The following MYT1L variants were observed in gnomAD, a reference collection of about 807,000 sequenced individuals.
The protein encoded by MYT1L is myelin transcription factor 1-like protein.
MYT1L carries 12 observed loss-of-function variants against 126.7 expected under a neutral mutation model. The ratio of observed to expected loss-of-function variants is 0.09; its 90% CI spans 0.06 to 0.15. The LOEUF (loss-of-function observed/expected upper bound fraction) is 0.15, where lower values mean the gene tolerates loss of function less well. MYT1L is among the 10% of genes least tolerant of loss of function. The probability of loss-of-function intolerance (pLI) is 1.00; values close to 1 mark genes in which losing one functional copy is unlikely to be tolerated. For missense variants in MYT1L, 979 were observed against 1,585.2 expected, an observed-to-expected ratio of 0.62 and a Z score of 6.49; for synonymous variants, 541 against 604.2, an observed-to-expected ratio of 0.90 and a Z score of 1.53.
At chr2:1,872,560 C>T (rs1306268212) in intron 18 of MYT1L, among the ~76,000 whole-genome samples, 9 of 152,096 alleles carry the variant, frequency 5.9e-5, no homozygotes, top group South Asian at 2.1e-4. Flanking sequence ...AAGATATATT[C>T]GAAAAATGGA....
At chr2:2,184,865 C>A (rs190743749) in intron 2 of MYT1L, among the ~76,000 whole-genome samples, 370 of 152,344 alleles carry the variant, frequency 2.4e-3, no homozygotes, top group Non-Finnish European at 4.2e-3. Context: ...CAGAAAGGGA[C>A]CCGCCAAGAG....
At chr2:2,274,330 G>A (rs1023492201) in intron 2 of MYT1L, among the ~76,000 whole-genome samples, 6 of 141,758 alleles carry the variant, frequency 4.2e-5, no homozygotes, top group South Asian at 2.6e-4. Context: ...AGGAAGGAAG[G>A]AAGGGAGGGA....
intron 18 of MYT1L, chr2:1,883,984 C>T (rs1349109315): frequency 6.6e-6 from 1 of 152,200 alleles, no homozygotes; most frequent in South Asian, 2.1e-4. Flanking sequence ...ATGTTTGCTG[C>T]TTTGGGTAAG....
At chr2:2,038,514 G>C (rs1329714692) in intron 4 of MYT1L, among the ~76,000 whole-genome samples, 1 of 152,144 alleles carries the variant, frequency 6.6e-6, no homozygotes, top group Non-Finnish European at 1.5e-5. Context: ...CACTGGCCCA[G>C]TTCGGCTCAT....
At chr2:1,957,413 C>T (rs570491666) in intron 8 of MYT1L, among the ~76,000 whole-genome samples, 1 of 151,938 alleles carries the variant, frequency 6.6e-6, no homozygotes, top group East Asian at 1.9e-4. Context: ...TTATCCCTCC[C>T]CCTCCCCCAC....
At chr2:2,199,660 T>C (rs2092972250) in intron 2 of MYT1L, among the ~76,000 whole-genome samples, 2 of 152,176 alleles carry the variant, frequency 1.3e-5, no homozygotes, top group Admixed American at 6.5e-5. Flanking sequence ...GCAGTTAGTC[T>C]CCTCTGTCTT....
chr2:1,892,073 G>T lies in MYT1L; in HGVS notation c.2247C>A (p.Asn749Lys). ...LSTRCREMPQ[N>K]LSTKPQDLCA... ...ACAGGTCCTGCGGCTTGGTGCTCAG[G>T]TTCTGCGGCATCTCGCGGCAGCGCG... Residue 749 changes from asparagine to lysine, a missense_variant, in exon 15 of 25, where the codon AAC becomes AAA. By Grantham distance (94) the Asn-to-Lys change is moderately conservative. Transcript: ENST00000647738. 1 of 1,541,040 alleles carries T rather than the reference G, an allele frequency of 6.5e-7. No individual in the cohort carries two copies.
chr2:2,004,372 T>C (rs2062881172), intron 4 of MYT1L, among the ~76,000 whole-genome samples: 1 of 147,206 alleles, frequency 6.8e-6, no homozygotes, highest in Non-Finnish European at 1.5e-5. Context: ...CCTGTGTGCC[T>C]TCTTTCCTGC....
chr2:1,889,018 C>T lies in MYT1L; in HGVS notation c.2520+223G>A, dbSNP rs980673549. 1.3e-4 allele frequency among the ~76,000 whole-genome samples: 20 copies of T among 152,144 alleles called. No homozygotes were observed. The highest frequency in any genetic ancestry group is 4.8e-4 in the African/African-American group (20 of 41,438). ...CAAAACATATTTGTTAGAAAATAAA[C>T]TTTATCATTTACAAGAGTCAATACT... On this transcript the variant is annotated intron_variant, in intron 16 of 24. Coordinates refer to ENST00000647738, the MANE Select transcript of MYT1L (RefSeq NM_001303052.2). This position sits in a 1 kb window ranked among gnomAD's most constrained non-coding sequence, Gnocchi z 4.1.
chr2:2,286,759 T>C (rs950778736), intron 1 of MYT1L, among the ~76,000 whole-genome samples: 2 of 152,142 alleles, frequency 1.3e-5, no homozygotes, highest in Non-Finnish European at 2.9e-5. Context: ...GCACCAGGCA[T>C]TGGCTTTGGA....
At chr2:2,080,110 G>T (rs541112917) in intron 3 of MYT1L, among the ~76,000 whole-genome samples, 69 of 152,210 alleles carry the variant, frequency 4.5e-4, no homozygotes, top group African/African-American at 1.6e-3. Context: ...GGAACAACTG[G>T]GTATCCACAT....
chr2:2,025,120 A>G (rs2065409434), intron 4 of MYT1L, among the ~76,000 whole-genome samples: 1 of 152,220 alleles, frequency 6.6e-6, no homozygotes, highest in Non-Finnish European at 1.5e-5. Context: ...TATAGATGGA[A>G]GTTCAGGGGC....
At chr2:2,136,840 G>A (rs571697930) in intron 3 of MYT1L, among the ~76,000 whole-genome samples, 5 of 152,256 alleles carry the variant, frequency 3.3e-5, no homozygotes, top group Admixed American at 1.3e-4. Flanking sequence ...TCTGGCCAGG[G>A]CAATTAGGCA....
chr2:2,115,673 C>A (rs970530133), intron 3 of MYT1L, among the ~76,000 whole-genome samples: 2 of 152,254 alleles, frequency 1.3e-5, no homozygotes, highest in Non-Finnish European at 2.9e-5. Flanking sequence ...GATGCCCCTG[C>A]CTTTCTGTGG....
intron 21 of MYT1L, among the ~76,000 whole-genome samples, chr2:1,830,659 T>C (rs188784626): frequency 7.2e-5 from 11 of 152,214 alleles, no homozygotes; most frequent in Admixed American, 1.3e-4. Flanking sequence ...TGAAACACCA[T>C]GGGGATGAGG....
chr2:1,869,315 G>A (rs919211525), intron 18 of MYT1L, among the ~76,000 whole-genome samples: 1 of 152,270 alleles, frequency 6.6e-6, no homozygotes, highest in Admixed American at 6.5e-5. Flanking sequence ...CTAAGAAAGT[G>A]GTTCAGGGAC....
At chr2:2,175,801 C>G (rs770217124) in intron 2 of MYT1L, among the ~76,000 whole-genome samples, 1 of 152,220 alleles carries the variant, frequency 6.6e-6, no homozygotes, top group Non-Finnish European at 1.5e-5. Context: ...AGCAGCAGGG[C>G]TGGAGGGCAG....
In MYT1L at chr2:1,979,261, C is replaced by T. The variant is rs2060415161; in HGVS notation, c.90-34G>A. The T allele has an allele frequency of 6.3e-7, 1 of 1,589,600 alleles. No homozygotes were observed. Among genetic ancestry groups the T allele is most frequent in the Non-Finnish European group, 8.6e-7 (1 of 1,159,264 alleles). The stretch of plus-strand genomic sequence containing the variant: ...GGAAAGAATGGATTACACGGTGCCG[C>T]AGGCAGGCAGGTGAGACGGAAAGCT... On this transcript the variant is annotated intron_variant, in intron 7 of 24. Transcript: ENST00000647738. This position sits in a 1 kb window ranked among gnomAD's most constrained non-coding sequence, Gnocchi z 4.0.
chr2:1,854,925 A>C (rs2043718377), intron 18 of MYT1L, among the ~76,000 whole-genome samples: 1 of 152,182 alleles, frequency 6.6e-6, no homozygotes, highest in Non-Finnish European at 1.5e-5. Context: ...GACATGCTGG[A>C]AACACTGGCT....
Sources: allele counts gnomAD v4.1 joint callset (sites outside exome capture counted in the v4.1 genomes callset), GRCh38; gene constraint gnomAD v4.1.1; non-coding constraint Gnocchi (gnomAD v3.1); transcripts MANE v1.5; gene names NCBI Gene and HGNC (gene_info 2026-07-23, HGNC 2026-07-21).